Variants in ATXN7L1 observed in about 807,000 individuals in gnomAD.
The protein encoded by ATXN7L1 is ataxin 7 like 1.
Under a neutral mutation model 70.8 loss-of-function variants are expected in ATXN7L1, and 15 were observed. That is an observed-to-expected ratio of 0.21 (90% confidence interval 0.14 to 0.33). The LOEUF is 0.33. Among genes scored for constraint, ATXN7L1 ranks in the 10% least tolerant of loss-of-function variants. The probability of loss-of-function intolerance (pLI) is 1.00; values close to 1 mark genes in which losing one functional copy is unlikely to be tolerated. For synonymous variants in ATXN7L1, 440 were observed against 445.1 expected (o/e 0.99, Z 0.14); for missense variants, 975 against 1,097.1 (o/e 0.89, Z 1.57).
chr7:105,848,493 T>C (rs899444985), intron 2 of ATXN7L1, among the ~76,000 whole-genome samples: 2 of 151,860 alleles, frequency 1.3e-5, no homozygotes, highest in Admixed American at 1.3e-4. Flanking sequence ...ACAACCAATA[T>C]ATCCAATGAC....
intron 3 of ATXN7L1, among the ~76,000 whole-genome samples, chr7:105,746,308 G>T (rs1005671550): frequency 6.6e-6 from 1 of 152,108 alleles, no homozygotes; most frequent in Non-Finnish European, 1.5e-5. Context: ...CCATCCAAGG[G>T]CTTCTGTGTC....
chr7:105,858,234 AAAAATG>A (rs1816028681), intron 2 of ATXN7L1, among the ~76,000 whole-genome samples: 2 of 152,220 alleles, frequency 1.3e-5, no homozygotes, highest in African/African-American at 4.8e-5. Context: ...CTGTCTCTCA[AAAAATG>A]AAAATGAAAT....
chr7:105,708,038 C>T (rs550719684), intron 3 of ATXN7L1, among the ~76,000 whole-genome samples: 3 of 152,196 alleles, frequency 2.0e-5, no homozygotes, highest in African/African-American at 4.8e-5. Context: ...AAATAAAATA[C>T]GTGGCTGCTG....
chr7:105,876,322 G>A (rs1168674732), intron 1 of ATXN7L1, 56 bp downstream of exon 1: 3 of 1,509,024 alleles, frequency 2.0e-6, no homozygotes, highest in African/African-American at 2.8e-5. Flanking sequence ...AGTGGCTCTA[G>A]GTGAATGGAA....
intron 2 of ATXN7L1, among the ~76,000 whole-genome samples, chr7:105,830,509 C>A (rs1811457490): frequency 6.6e-6 from 1 of 152,122 alleles, no homozygotes; most frequent in Non-Finnish European, 1.5e-5. Flanking sequence ...AAATGTTATA[C>A]ATACCTAACG....
At chr7:105,803,182 C>T (rs1807071996) in intron 2 of ATXN7L1, among the ~76,000 whole-genome samples, 1 of 152,278 alleles carries the variant, frequency 6.6e-6, no homozygotes, top group Admixed American at 6.5e-5. Flanking sequence ...TCCACCTGCC[C>T]AGCAGTGGTG....
chr7:105,621,826 G>A (rs1794978498), intron 8 of ATXN7L1, among the ~76,000 whole-genome samples: 1 of 152,198 alleles, frequency 6.6e-6, no homozygotes, highest in Admixed American at 6.5e-5. Context: ...CCTGGAACCA[G>A]ACTTTGGAAC....
intron 3 of ATXN7L1, among the ~76,000 whole-genome samples, chr7:105,758,864 G>A (rs1245022732): frequency 6.6e-6 from 1 of 152,178 alleles, no homozygotes; most frequent in Non-Finnish European, 1.5e-5. Flanking sequence ...TCTGAACACA[G>A]GACAGTAAAA....
intron 3 of ATXN7L1, among the ~76,000 whole-genome samples, chr7:105,739,941 A>G (rs1222154083): frequency 6.6e-6 from 1 of 152,248 alleles, no homozygotes; most frequent in Non-Finnish European, 1.5e-5. Context: ...TCATTTAAAC[A>G]TTCAACAGTT....
At chr7:105,639,418 G>A in intron 6 of ATXN7L1, 69 bp downstream of exon 6, 3 of 1,229,018 alleles carry the variant, frequency 2.4e-6, no homozygotes, top group Non-Finnish European at 3.5e-6. Flanking sequence ...TGTGCAGAGA[G>A]TGGCATGCAA....
rs373239207 is a variant in ATXN7L1 at position 105,624,123 on chromosome 7, G to A, written c.1347C>T (p.Ser449=). The A allele has an allele frequency of 2.6e-5, 39 of 1,519,532 alleles. No individual in the cohort carries two copies. Among genetic ancestry groups the A allele is most frequent in the Non-Finnish European group, 2.9e-5 (33 of 1,128,400 alleles). The allele number at this position is 1,519,532 out of a possible 1,614,324, so 94.1% of individuals were successfully genotyped here. A position where few individuals can be genotyped will look rare whatever the true frequency, so the allele number is the denominator to read the frequency against. Residue 449 remains serine (S), a synonymous_variant, in exon 8 of 12, where the codon TCC becomes TCT. Transcript: ENST00000419735. ...TGGAGAACTGACAGTCTAGCTTCTCGGATTCGTCGGCTCCGTCCATCTCCC... is the reference window on the plus strand; with the variant it reads ...TGGAGAACTGACAGTCTAGCTTCTCAGATTCGTCGGCTCCGTCCATCTCCC... ...DEGEMDGADE[S]EKLDCQFSTH... is the part of the protein sequence containing the mutation.
intron 2 of ATXN7L1, among the ~76,000 whole-genome samples, chr7:105,805,033 A>T (rs907715887): frequency 1.3e-5 from 2 of 152,264 alleles, no homozygotes; most frequent in African/African-American, 4.8e-5. Flanking sequence ...AATAAAGAAC[A>T]GAAGCTCCTG....
intron 3 of ATXN7L1, among the ~76,000 whole-genome samples, chr7:105,718,808 A>C (rs992498889): frequency 1.3e-5 from 2 of 152,226 alleles, no homozygotes; most frequent in Non-Finnish European, 1.5e-5. Context: ...AGTGTTCAAA[A>C]ATAGAACAGG....
At chr7:105,746,978 T>C (rs1242009931) in intron 3 of ATXN7L1, among the ~76,000 whole-genome samples, 1 of 152,218 alleles carries the variant, frequency 6.6e-6, no homozygotes, top group Non-Finnish European at 1.5e-5. Context: ...AGTAGATACA[T>C]GCGCTATCTG....
At chr7:105,858,321 T>A (rs896872336) in intron 2 of ATXN7L1, among the ~76,000 whole-genome samples, 1 of 152,222 alleles carries the variant, frequency 6.6e-6, no homozygotes, top group Non-Finnish European at 1.5e-5. Context: ...AACTTAACTC[T>A]GCCCTTTTAG....
chr7:105,686,341 C>A (rs1175277128), intron 3 of ATXN7L1, among the ~76,000 whole-genome samples: 1 of 152,140 alleles, frequency 6.6e-6, no homozygotes, highest in Non-Finnish European at 1.5e-5. Context: ...CATGGTGAAA[C>A]CCCATCTCTA....
At chr7:105,639,145 TGCC>T (rs1032180652) in intron 6 of ATXN7L1, among the ~76,000 whole-genome samples, 4 of 152,148 alleles carry the variant, frequency 2.6e-5, no homozygotes, top group South Asian at 2.1e-4. Flanking sequence ...TTCAGGGCGC[TGCC>T]GCCGCCGCCG....
chr7:105,708,022 G>A (rs1793391605), intron 3 of ATXN7L1, among the ~76,000 whole-genome samples: 1 of 152,200 alleles, frequency 6.6e-6, no homozygotes, highest in Non-Finnish European at 1.5e-5. Context: ...AATAAATAAA[G>A]CAAAGAAATA....
intron 3 of ATXN7L1, among the ~76,000 whole-genome samples, chr7:105,667,973 C>CG (rs1802915344): frequency 6.6e-6 from 1 of 152,152 alleles, no homozygotes; most frequent in Non-Finnish European, 1.5e-5. Context: ...TTTGCTATTA[C>CG]TTACTCAAAG....
Sources: allele counts gnomAD v4.1 joint callset (sites outside exome capture counted in the v4.1 genomes callset), GRCh38; gene constraint gnomAD v4.1.1; transcripts MANE v1.5; gene names NCBI Gene and HGNC (gene_info 2026-07-23, HGNC 2026-07-21).